The following OCA2 variants were observed in gnomAD, a reference collection of about 807,000 sequenced individuals.
The protein encoded by OCA2 is OCA2 melanosomal transmembrane protein.
A neutral mutation model predicts 100.2 loss-of-function variants in OCA2; 77 were observed. That is an observed-to-expected ratio of 0.77 (90% confidence interval 0.64 to 0.93). The LOEUF is 0.93. OCA2 is among the 40% of genes least tolerant of loss of function. OCA2 has a pLI of 0.00. For synonymous variants in OCA2, 432 were observed against 439.2 expected (o/e 0.98, Z 0.21); for missense variants, 1,062 against 1,089.1 (o/e 0.98, Z 0.35).
At chr15:27,843,548 A>C (rs1327269963) in intron 23 of OCA2, among the ~76,000 whole-genome samples, 1 of 152,186 alleles carries the variant, frequency 6.6e-6, no homozygotes, top group Non-Finnish European at 1.5e-5. Flanking sequence ...AACAGAAAGA[A>C]CTGGGTCAGG....
chr15:27,853,636 T>G (rs535858328), intron 21 of OCA2, among the ~76,000 whole-genome samples: 128 of 151,390 alleles, frequency 8.5e-4, no homozygotes, highest in African/African-American at 3.0e-3. Flanking sequence ...TGGCTTATGT[T>G]GCTAGAAGGA....
chr15:27,867,251 C>T (rs2036361727), intron 21 of OCA2, among the ~76,000 whole-genome samples: 1 of 151,978 alleles, frequency 6.6e-6, no homozygotes, highest in Non-Finnish European at 1.5e-5. Flanking sequence ...ACCTTCAAAA[C>T]CAGTTGATGG....
chr15:27,723,212 T>C, the OCA2 span, among the ~76,000 whole-genome samples: 1,835 of 152,250 alleles, frequency 0.012, 30 homozygotes, highest in African/African-American at 0.036. Flanking sequence ...TATAATGGTC[T>C]ATCCTCCTCT....
chr15:27,734,420 C>T, the OCA2 span, among the ~76,000 whole-genome samples: 65,382 of 151,798 alleles, frequency 0.43, 15,440 homozygotes, highest in Non-Finnish European at 0.53. Flanking sequence ...CCTCAATCAG[C>T]ACAGGATGGA....
At chr15:27,959,643 G>A (rs770806705) in intron 15 of OCA2, among the ~76,000 whole-genome samples, 12 of 152,136 alleles carry the variant, frequency 7.9e-5, no homozygotes, top group South Asian at 2.1e-4. Flanking sequence ...CCCTGGGTGC[G>A]GGCTGGAAGT....
intron 18 of OCA2, among the ~76,000 whole-genome samples, chr15:27,947,432 C>T (rs142420864): frequency 2.2e-3 from 340 of 152,274 alleles, no homozygotes; most frequent in African/African-American, 7.9e-3. Context: ...CCTTGCTCAC[C>T]CTTCTTTGCC....
At chr15:27,840,314 G>A (rs964549171) in intron 23 of OCA2, among the ~76,000 whole-genome samples, 1 of 152,000 alleles carries the variant, frequency 6.6e-6, no homozygotes. Context: ...AGAACTAGAT[G>A]AATCACAAGC....
rs60426286 is a variant in OCA2 at position 27,922,680 on chromosome 15, G to GGTGTGTGTGTGT, written c.2079+3435_2079+3446dup. Among the ~76,000 whole-genome samples the GGTGTGTGTGTGT allele has an allele frequency of 1.9e-3, 275 of 147,204 alleles. 1 individual carries two copies. The highest frequency in any genetic ancestry group is 5.6e-3 in the African/African-American group (225 of 40,170). ...ATAGCTTTTGTGGTTTTTTGTTTGG[G>GGTGTGTGTGTGT]GTGTGTGTGTGTGTGTGTGTGTGTG... On this transcript the variant is annotated intron_variant, in intron 19 of 23. Transcript: ENST00000354638.
downstream of OCA2, among the ~76,000 whole-genome samples, chr15:27,754,537 T>TC (rs1034154711): frequency 1.3e-5 from 2 of 152,064 alleles, no homozygotes; most frequent in African/African-American, 4.8e-5. Flanking sequence ...AGCACAGGGC[T>TC]CCCCCTTGGT....
At chr15:27,868,799 A>G (rs1266272737) in intron 21 of OCA2, among the ~76,000 whole-genome samples, 1 of 152,248 alleles carries the variant, frequency 6.6e-6, no homozygotes, top group African/African-American at 2.4e-5. Context: ...TGGTGATATT[A>G]TCACAGGTAT....
At chr15:27,925,977 C>G in intron 19 of OCA2, 150 bp downstream of exon 19, 2 of 926,492 alleles carry the variant, frequency 2.2e-6, no homozygotes, top group Middle Eastern at 3.4e-4. Context: ...AGCTGGTTAA[C>G]TTAAAATAGT....
At position 27,957,757 on chromosome 15, in the gene OCA2, GCTTGGGTCTCC is replaced by G; in HGVS notation, c.1637-33_1637-23del. ...AGTTCTGCAGAGAAAGGAAGGCGAA[GCTTGGGTCTCC>G]CATGACCTCAGATATCAGCAACACC... On this transcript the variant is annotated intron_variant, in intron 15 of 23. Transcript: ENST00000354638. This position sits in a 1 kb window ranked among gnomAD's most constrained non-coding sequence, Gnocchi z 4.3. 1 of 1,612,974 alleles carries G rather than the reference GCTTGGGTCTCC, an allele frequency of 6.2e-7. No individual in the cohort carries two copies. Among genetic ancestry groups the G allele is most frequent in the East Asian group, 2.2e-5 (1 of 44,866 alleles).
At chr15:28,095,958 C>G (rs2044970391) in intron 1 of OCA2, among the ~76,000 whole-genome samples, 1 of 152,314 alleles carries the variant, frequency 6.6e-6, no homozygotes, top group Middle Eastern at 3.4e-3. Context: ...ATGCGCTGCT[C>G]AGCCCCAAGG....
chr15:27,796,513 GC>G (rs1466612007), intron 23 of OCA2, among the ~76,000 whole-genome samples: 1 of 152,216 alleles, frequency 6.6e-6, no homozygotes, highest in African/African-American at 2.4e-5. Flanking sequence ...GTGTAATGGG[GC>G]TAAGCAGAGA....
chr15:28,042,679 T>A (rs554045685), intron 2 of OCA2, among the ~76,000 whole-genome samples: 1 of 151,394 alleles, frequency 6.6e-6, no homozygotes, highest in Non-Finnish European at 1.5e-5. Context: ...AATAAATAAA[T>A]AAAATGCTTT....
At chr15:27,830,289 C>T (rs573505444) in intron 23 of OCA2, among the ~76,000 whole-genome samples, 40 of 152,214 alleles carry the variant, frequency 2.6e-4, no homozygotes, top group African/African-American at 8.4e-4. Context: ...TGAAGTCAAA[C>T]GTAGTAATGA....
At chr15:28,079,760 C>G (rs1353868955) in intron 2 of OCA2, among the ~76,000 whole-genome samples, 1 of 152,126 alleles carries the variant, frequency 6.6e-6, no homozygotes, top group Non-Finnish European at 1.5e-5. Context: ...CCGACACCCC[C>G]TCCCCGTGCC....
At chr15:27,761,168 A>T (rs904227211) in intron 23 of OCA2, among the ~76,000 whole-genome samples, 1 of 151,988 alleles carries the variant, frequency 6.6e-6, no homozygotes, top group Non-Finnish European at 1.5e-5. Context: ...AGCTTACATT[A>T]AAAAATCCTA....
chr15:27,853,916 T>C (rs1179130884), intron 21 of OCA2, among the ~76,000 whole-genome samples: 1 of 152,202 alleles, frequency 6.6e-6, no homozygotes, highest in East Asian at 1.9e-4. Flanking sequence ...TAATATTCGA[T>C]GCCGAGAATT....
Sources: gnomAD v4.1 joint callset for allele counts (sites outside exome capture counted in the v4.1 genomes callset) on GRCh38, gnomAD v4.1.1 for gene constraint, Gnocchi (gnomAD v3.1) non-coding constraint, MANE v1.5 for transcripts, NCBI Gene and HGNC (gene_info 2026-07-23, HGNC 2026-07-21) for gene names.